Variants in NR2C1 observed in about 807,000 individuals in gnomAD.
NR2C1 encodes the protein TR2 nuclear hormone receptor.
In NR2C1, 33 loss-of-function variants were observed where a neutral mutation model predicts 74.8. The ratio of observed to expected loss-of-function variants is 0.44; its 90% confidence interval spans 0.33 to 0.59. The LOEUF is 0.59. Ranked by LOEUF, NR2C1 falls within the 20% of genes least tolerant of loss-of-function variation. The pLI, the probability that NR2C1 is intolerant of heterozygous loss-of-function variation, is 0.02. For synonymous variants in NR2C1, 225 were observed against 240.6 expected, an observed-to-expected ratio of 0.94 and a Z score of 0.60; for missense variants, 568 against 715.6, an observed-to-expected ratio of 0.79 and a Z score of 2.35.
intron 11 of NR2C1, among the ~76,000 whole-genome samples, chr12:95,029,069 G>A (rs528579529): frequency 1.4e-4 from 21 of 152,180 alleles, no homozygotes; most frequent in Admixed American, 7.9e-4. Context: ...TATAAAAATC[G>A]TAAGTAGAAA....
chr12:95,051,833 A>T lies in NR2C1; in HGVS notation c.894T>A (p.Ile298=). ...LSQNSNEMSM[I]ESLSNDDTSL... ...AGGTATCATCATTGCTTAAGCTTTC[A>T]ATCATAGACATTTCATTACTATTTT... Residue 298 remains isoleucine (I), a synonymous_variant, in exon 8 of 14, where the codon ATT becomes ATA. Coordinates refer to ENST00000333003, the MANE Select transcript of NR2C1 (RefSeq NM_003297.4). 1 of 1,610,872 alleles carries T rather than the reference A, an allele frequency of 6.2e-7. No homozygotes were observed. The highest frequency in any genetic ancestry group is 8.5e-7 in the Non-Finnish European group (1 of 1,179,270).
intron 2 of NR2C1, among the ~76,000 whole-genome samples, chr12:95,064,025 C>CA (rs36124945): frequency 0.44 from 30,691 of 69,214 alleles, 6,295 homozygotes; most frequent in Non-Finnish European, 0.53. Context: ...GACTCTGCCT[C>CA]AAAAAAAAAA....
At position 95,022,685 on chromosome 12, in the gene NR2C1, G is replaced by C. The variant is rs1054749726; in HGVS notation, c.1638-282C>G. ...CTGTGGAACTGAGTTGTTAAACCAT[G>C]CATCAAGTTATACAATTTTTTTTTT... On this transcript the variant is annotated intron_variant, in intron 13 of 13. Coordinates refer to ENST00000333003, the MANE Select transcript of NR2C1 (RefSeq NM_003297.4). Among the ~76,000 whole-genome samples, 3 of 150,928 alleles carry C rather than the reference G, an allele frequency of 2.0e-5. No homozygotes were observed. In the East Asian group the frequency reaches 5.8e-4, roughly 29 times the overall value.
At chr12:95,030,528 A>G in intron 11 of NR2C1, 1 of 1,605,644 alleles carries the variant, frequency 6.2e-7, no homozygotes, top group South Asian at 1.1e-5. Context: ...ACAGGCATAT[A>G]AGACATGAAC....
chr12:95,072,293 A>AAC lies in NR2C1; in HGVS notation c.-8+1086_-8+1087insGT, dbSNP rs1355338720. ...AATACAAAAAACAAAAACAAAAACA[A>AAC]AAACAAAAAAACTAGCTGGGTGTGG... On this transcript the variant is annotated intron_variant, in intron 1 of 13. Transcript: ENST00000333003. Among the ~76,000 whole-genome samples, 293 of 128,730 alleles carry AAC rather than the reference A, an allele frequency of 2.3e-3. 4 individuals are homozygous for AAC. The highest frequency in any genetic ancestry group is 8.1e-3 in the African/African-American group (271 of 33,606). 84.5% of individuals were successfully genotyped at this position (128,730 alleles called of 152,430 possible).
Position 95,073,568 on chromosome 12 carries a change from C to G in NR2C1, c.-196G>C, listed in dbSNP as rs1460729927. 2.0e-5 allele frequency: 3 copies of G among 152,304 alleles called. No individual in the cohort carries two copies. Among genetic ancestry groups the G allele is most frequent in the African/African-American group, 7.2e-5 (3 of 41,476 alleles). The allele number at this position is 152,304 out of a possible 1,614,324, so 9.4% of individuals were successfully genotyped here. A position where few individuals can be genotyped will look rare whatever the true frequency, so the allele number is the denominator to read the frequency against. ...TCTGGGGGGTCAGAGTTCGTGACCT[C>G]TTTCTCGGCTCGGCGGCGCGCTATC... On this transcript the variant is annotated 5_prime_UTR_variant, in exon 1 of 14. Coordinates refer to ENST00000333003, the MANE Select transcript of NR2C1 (RefSeq NM_003297.4).
intron 9 of NR2C1, among the ~76,000 whole-genome samples, chr12:95,044,707 CGTCT>C: frequency 6.6e-6 from 1 of 151,948 alleles, no homozygotes; most frequent in East Asian, 1.9e-4. Flanking sequence ...GATGAAACCT[CGTCT>C]GTATTTAAAA....
chr12:95,022,425 G>A, intron 13 of NR2C1, 22 bp from the exon 14 acceptor site: 1 of 1,585,096 alleles, frequency 6.3e-7, no homozygotes, highest in South Asian at 1.2e-5. Flanking sequence ...AAGAAAAAAG[G>A]GAGAGGAACA....
At chr12:95,050,003 T>C (rs543031440) in intron 8 of NR2C1, among the ~76,000 whole-genome samples, 1 of 152,262 alleles carries the variant, frequency 6.6e-6, no homozygotes, top group African/African-American at 2.4e-5. Context: ...CCTCACTATG[T>C]TGCTAAGGCT....
intron 7 of NR2C1, among the ~76,000 whole-genome samples, chr12:95,055,271 G>A (rs1257830094): frequency 6.6e-6 from 1 of 152,252 alleles, no homozygotes; most frequent in East Asian, 1.9e-4. Context: ...AGAGAGCACA[G>A]TGTCTGGGCA....
At chr12:95,044,633 C>G (rs1872076553) in intron 9 of NR2C1, among the ~76,000 whole-genome samples, 1 of 151,962 alleles carries the variant, frequency 6.6e-6, no homozygotes, top group Non-Finnish European at 1.5e-5. Context: ...GCTTATAATC[C>G]CAGCACTTTG....
chr12:95,053,960 G>A (rs923720539), intron 7 of NR2C1, among the ~76,000 whole-genome samples: 3 of 152,150 alleles, frequency 2.0e-5, no homozygotes, highest in Non-Finnish European at 4.4e-5. Context: ...TGGGATTACA[G>A]GCGTGAGCCA....
In NR2C1 at chr12:95,062,730, T is replaced by C. The variant is rs1468438196; in HGVS notation, c.63A>G (p.Thr21=). ...GGATTTTCTGCCCAGTTTGCTGCTC[T>C]GTAACAATCTAACAAAATCATGAAA... ...IIEQQMGEIV[T]EQQTGQKIQI... Residue 21 remains threonine (T), a synonymous_variant, in exon 3 of 14, where the codon ACA becomes ACG. Coordinates refer to ENST00000333003, the MANE Select transcript of NR2C1 (RefSeq NM_003297.4). The C allele has an allele frequency of 1.2e-6, 2 of 1,610,646 alleles. No individual in the cohort carries two copies. The highest frequency in any genetic ancestry group is 2.7e-5 in the African/African-American group (2 of 74,878).
intron 2 of NR2C1, among the ~76,000 whole-genome samples, chr12:95,065,329 C>T (rs1297418797): frequency 6.6e-6 from 1 of 151,952 alleles, no homozygotes; most frequent in Admixed American, 6.6e-5. Context: ...ATTACAGGCG[C>T]CCGCCACCCC....
At chr12:95,072,234 C>A (rs552432078) in intron 1 of NR2C1, among the ~76,000 whole-genome samples, 226 of 150,338 alleles carry the variant, frequency 1.5e-3, no homozygotes, top group African/African-American at 5.4e-3. Flanking sequence ...CAAGACCATC[C>A]TGGCCAACAT....
chr12:95,031,252 A>G (rs1300770695), intron 11 of NR2C1, 97 bp downstream of exon 11: 1 of 1,023,180 alleles, frequency 9.8e-7, no homozygotes, highest in Non-Finnish European at 1.3e-6. Context: ...TAAAACACTA[A>G]TATAATAATT....
Position 95,049,054 on chromosome 12 carries a change from A to G in NR2C1, c.1131+14T>C. ...CAACACAACATACAAGTTAAAAAAA[A>G]CATATAGAAATACCCTGAAAGCTAC... On this transcript the variant is annotated intron_variant, in intron 9 of 13. Transcript: ENST00000333003. 6.2e-7 allele frequency: 1 copy of G among 1,608,368 alleles called. No individual in the cohort carries two copies. The highest frequency in any genetic ancestry group is 8.5e-7 in the Non-Finnish European group (1 of 1,177,140).
Position 95,032,457 on chromosome 12 carries a change from C to CAAAAAAAAAAAAAA in NR2C1, c.1254-970_1254-969insTTTTTTTTTTTTTT, listed in dbSNP as rs905079010. Among the ~76,000 whole-genome samples, 660 of 90,584 alleles carry CAAAAAAAAAAAAAA rather than the reference C, an allele frequency of 7.3e-3. 15 individuals carry two copies. The highest frequency in any genetic ancestry group is 0.026 in the African/African-American group (626 of 24,352). The allele number at this position is 90,584 out of a possible 152,430, so 59.4% of individuals were successfully genotyped here. On this transcript the variant is annotated intron_variant, in intron 10 of 13. Transcript: ENST00000333003. ...TGGGTGACACAGCGAGACTCCGTCTCAAAAAAAAAAAGGAAAAAAAAAAAG... is the reference window on the plus strand; with the variant it reads ...TGGGTGACACAGCGAGACTCCGTCTCAAAAAAAAAAAAAAAAAAAAAAAAAGGAAAAAAAAAAAG...
At chr12:95,058,843 G>A (rs573013022) in intron 4 of NR2C1, among the ~76,000 whole-genome samples, 2 of 151,948 alleles carry the variant, frequency 1.3e-5, no homozygotes, top group Non-Finnish European at 2.9e-5. Context: ...TGCCCAGGCT[G>A]GTCTTGAACT....
Sources: gnomAD v4.1 joint callset for allele counts (sites outside exome capture counted in the v4.1 genomes callset) on GRCh38, gnomAD v4.1.1 for gene constraint, MANE v1.5 for transcripts, NCBI Gene and HGNC (gene_info 2026-07-23, HGNC 2026-07-21) for gene names.